Variants in BACC1 observed in about 807,000 individuals in gnomAD.
BACC1 encodes BPTF-associated chromatin complex component 1.
the BACC1 span, chr17:7,015,682 A>C: frequency 1.1e-5 from 16 of 1,394,514 alleles, no homozygotes; most frequent in East Asian, 3.4e-4. Context: ...AATCGGAAGG[A>C]GGCGGCTGGT....
the BACC1 span, chr17:7,014,978 A>C: frequency 7.1e-7 from 1 of 1,399,964 alleles, no homozygotes; most frequent in South Asian, 1.4e-5. The surrounding 1 kb of genome is among the most constrained non-coding windows in gnomAD (Gnocchi z 4.5). Context: ...GGCGGGCGGG[A>C]GCCGAGCCTG....
chr17:7,015,011 C>T, the BACC1 span: 8 of 929,252 alleles, frequency 8.6e-6, no homozygotes, highest in African/African-American at 1.9e-5. Flanking sequence ...GGGCTCCGGG[C>T]GGGACGGGGA....
At chr17:7,017,355 G>A in the BACC1 span, 674 of 1,575,846 alleles carry the variant, frequency 4.3e-4, 4 homozygotes, top group South Asian at 3.8e-3. Context: ...TGTTCATGCC[G>A]GACCTGTGGA....
the BACC1 span, chr17:7,016,339 A>T: frequency 1.4e-6 from 1 of 710,620 alleles, no homozygotes; most frequent in African/African-American, 1.8e-5. Flanking sequence ...ATCCTGAGTG[A>T]GTGTAAAACT....
the BACC1 span, chr17:7,016,028 A>G: frequency 1.6e-6 from 1 of 638,030 alleles, no homozygotes; most frequent in Non-Finnish European, 2.7e-6. Flanking sequence ...AAAGAATAGA[A>G]TTGTCACAGT....
At chr17:7,016,302 A>G in the BACC1 span, 1 of 609,716 alleles carries the variant, frequency 1.6e-6, no homozygotes, top group Non-Finnish European at 2.9e-6. Context: ...TACTCAGTTC[A>G]GGGACTCCAC....
chr17:7,015,720 G>T, the BACC1 span: 8 of 1,531,174 alleles, frequency 5.2e-6, no homozygotes, highest in Non-Finnish European at 6.3e-6. Flanking sequence ...GCCTGTGGGC[G>T]GGCTCCACAC....
chr17:7,015,008 G>C, the BACC1 span: 76 of 1,425,388 alleles, frequency 5.3e-5, 1 homozygote, highest in South Asian at 9.6e-4. Flanking sequence ...TAGGGGCTCC[G>C]GGCGGGACGG....
the BACC1 span, chr17:7,014,798 G>T: frequency 6.6e-7 from 1 of 1,521,350 alleles, no homozygotes; most frequent in Non-Finnish European, 8.8e-7. The surrounding 1 kb of genome is among the most constrained non-coding windows in gnomAD (Gnocchi z 4.5). Flanking sequence ...CCTGCTCTCC[G>T]TGGTCCCGGC....
At chr17:7,015,969 G>A in the BACC1 span, 4 of 994,898 alleles carry the variant, frequency 4.0e-6, no homozygotes, top group East Asian at 2.5e-5. Context: ...TTCCAGCTCA[G>A]CTGCTTCCCT....
At chr17:7,015,031 C>A in the BACC1 span, 1 of 1,457,698 alleles carries the variant, frequency 6.9e-7, no homozygotes, top group South Asian at 1.3e-5. Flanking sequence ...AGGGCGGGCG[C>A]CGGCCCCCCG....
the BACC1 span, chr17:7,017,490 T>C: frequency 1.4e-6 from 1 of 724,342 alleles, no homozygotes. Context: ...TGGACATTTT[T>C]ATACAGAAAA....
chr17:7,015,040 C>T, the BACC1 span: 22 of 1,484,784 alleles, frequency 1.5e-5, no homozygotes, highest in Admixed American at 2.6e-5. Context: ...GCCGGCCCCC[C>T]GTGACGCTGC....
chr17:7,017,092 G>A, the BACC1 span: 51 of 1,535,998 alleles, frequency 3.3e-5, no homozygotes, highest in East Asian at 2.5e-4. Flanking sequence ...CACGGTCTCC[G>A]CAGGGGCCCC....
At chr17:7,015,759 C>T in the BACC1 span, 16 of 1,610,242 alleles carry the variant, frequency 9.9e-6, no homozygotes, top group East Asian at 3.3e-4. Flanking sequence ...TATCCCCCCT[C>T]TCCCCTTCTG....
At chr17:7,015,932 C>T in the BACC1 span, 5 of 1,459,030 alleles carry the variant, frequency 3.4e-6, no homozygotes, top group Admixed American at 8.7e-5. Flanking sequence ...CCTCCTTACC[C>T]AAGGTTCCAT....
chr17:7,015,468 G>C, the BACC1 span: 2 of 1,376,802 alleles, frequency 1.5e-6, no homozygotes, highest in Non-Finnish European at 1.9e-6. Flanking sequence ...TGGTGGGTCT[G>C]TTTTGAAAAG....
the BACC1 span, chr17:7,015,193 C>T: frequency 2.0e-6 from 3 of 1,533,308 alleles, no homozygotes; most frequent in Admixed American, 2.2e-5. Context: ...ACGCTGAGAG[C>T]GGGCGCTTGG....
chr17:7,016,236 C>T, the BACC1 span: 1 of 536,714 alleles, frequency 1.9e-6, no homozygotes, highest in Non-Finnish European at 3.3e-6. Flanking sequence ...CTGTAAATCA[C>T]CAAGCTCTAC....
Sources: gnomAD v4.1 joint callset for allele counts on GRCh38, gnomAD v4.1.1 for gene constraint, Gnocchi (gnomAD v3.1) non-coding constraint, MANE v1.5 for transcripts, NCBI Gene and HGNC (gene_info 2026-07-23, HGNC 2026-07-21) for gene names.